GRM4: variants seen among roughly 807,000 people sequenced by gnomAD.
The protein encoded by GRM4 is metabotropic glutamate receptor 4.
Under a neutral mutation model 81.7 loss-of-function variants are expected in GRM4, and 28 were observed. The observed-to-expected ratio is 0.34, with a 90% confidence interval of 0.25 to 0.47. GRM4 has a LOEUF of 0.47. Ranked by LOEUF, GRM4 falls within the 20% of genes least tolerant of loss-of-function variation. The pLI is 1.00. For synonymous variants in GRM4, 488 were observed against 528.8 expected, an observed-to-expected ratio of 0.92 and a Z score of 1.06; for missense variants, 948 against 1,290.0, an observed-to-expected ratio of 0.73 and a Z score of 4.06.
chr6:34,120,035 T>C (rs1769744438), intron 2 of GRM4, among the ~76,000 whole-genome samples: 1 of 152,150 alleles, frequency 6.6e-6, no homozygotes, highest in Non-Finnish European at 1.5e-5. Flanking sequence ...GGGGTGTGTC[T>C]CTTGGTACCT....
chr6:34,043,935 C>T (rs1036770316), intron 6 of GRM4, among the ~76,000 whole-genome samples: 4 of 152,098 alleles, frequency 2.6e-5, no homozygotes, highest in Non-Finnish European at 5.9e-5. Flanking sequence ...CTCCCTGTGG[C>T]CTCCTGGACT....
chr6:34,071,287 CCA>C (rs1051066447), intron 3 of GRM4, among the ~76,000 whole-genome samples: 3 of 146,598 alleles, frequency 2.0e-5, no homozygotes, highest in African/African-American at 5.1e-5. Flanking sequence ...GAGATACACA[CCA>C]CACACACACA....
intron 1 of GRM4, among the ~76,000 whole-genome samples, chr6:34,140,484 C>T (rs957395425): frequency 6.6e-6 from 1 of 152,158 alleles, no homozygotes; most frequent in African/African-American, 2.4e-5. Flanking sequence ...AGGACAGCCA[C>T]GTGCAAAGGC....
At chr6:34,037,128 C>T (rs1482835598) in intron 8 of GRM4, among the ~76,000 whole-genome samples, 1 of 152,198 alleles carries the variant, frequency 6.6e-6, no homozygotes, top group East Asian at 1.9e-4. Flanking sequence ...GCCCTACGGC[C>T]CAGCCCAAGG....
chr6:34,077,590 TC>T, intron 3 of GRM4, among the ~76,000 whole-genome samples: 1 of 152,098 alleles, frequency 6.6e-6, no homozygotes, highest in East Asian at 1.9e-4. Context: ...CCAAGTCCAA[TC>T]CTCAGCCCTG....
At chr6:34,071,193 A>G (rs1362200717) in intron 3 of GRM4, among the ~76,000 whole-genome samples, 1 of 150,096 alleles carries the variant, frequency 6.7e-6, no homozygotes, top group Non-Finnish European at 1.5e-5. Flanking sequence ...CTAGCCACAC[A>G]CAGACACACA....
At chr6:34,066,619 G>A (rs1310068008) in intron 3 of GRM4, among the ~76,000 whole-genome samples, 2 of 151,928 alleles carry the variant, frequency 1.3e-5, no homozygotes, top group East Asian at 1.9e-4. Context: ...TCAAGTGTTC[G>A]CTGAGTGACT....
chr6:34,115,877 G>A lies in GRM4; in HGVS notation c.519+17101C>T, dbSNP rs1769578738. ...TGGCCAGACTGTGACCTCCATGGACGGTCAATCAATGGAAAGGGACTTTGA... is the reference window on the plus strand; with the variant it reads ...TGGCCAGACTGTGACCTCCATGGACAGTCAATCAATGGAAAGGGACTTTGA... On this transcript the variant is annotated intron_variant, in intron 2 of 10. Transcript: ENST00000538487. The surrounding 1 kb of genome is among the most constrained non-coding windows in gnomAD (Gnocchi z 4.1). Among the ~76,000 whole-genome samples the A allele has an allele frequency of 6.6e-6, 1 of 152,132 alleles. No individual in the cohort carries two copies. Among genetic ancestry groups the A allele is most frequent in the Non-Finnish European group, 1.5e-5 (1 of 68,026 alleles).
chr6:34,043,350 C>CAAAGGACATAGAGAAGGCTG (rs973609569), intron 6 of GRM4, among the ~76,000 whole-genome samples: 1 of 152,174 alleles, frequency 6.6e-6, no homozygotes, highest in African/African-American at 2.4e-5. Context: ...ATCCCATCCC[C>CAAAGGACATAGAGAAGGCTG]AAAGGACATA....
intron 9 of GRM4, among the ~76,000 whole-genome samples, chr6:34,033,598 C>A (rs1309329643): frequency 2.0e-5 from 3 of 152,224 alleles, no homozygotes; most frequent in African/African-American, 7.2e-5. Context: ...CATCCCATGG[C>A]TGCCTCACTG....
intron 6 of GRM4, among the ~76,000 whole-genome samples, chr6:34,045,898 G>A (rs1285587383): frequency 6.6e-6 from 1 of 152,248 alleles, no homozygotes; most frequent in African/African-American, 2.4e-5. Flanking sequence ...CAGTGAGGCA[G>A]AGATGCATTT....
chr6:34,038,836 C>T (rs558548894), intron 8 of GRM4, among the ~76,000 whole-genome samples: 101 of 152,304 alleles, frequency 6.6e-4, no homozygotes, highest in African/African-American at 2.3e-3. Context: ...GGCCCACTGC[C>T]ACCCACACGT....
chr6:34,136,123 C>T lies in GRM4; in HGVS notation c.-363-2264G>A, dbSNP rs554422640. On this transcript the variant is annotated intron_variant, in intron 1 of 10. Coordinates refer to ENST00000538487, the MANE Select transcript of GRM4 (RefSeq NM_000841.4). The surrounding 1 kb of genome is among the most constrained non-coding windows in gnomAD (Gnocchi z 4.1). The stretch of plus-strand genomic sequence containing the variant: ...CCACTGCCATGTGCCAAGCACTGTT[C>T]TAAGTGCTTTACCTACATTTTCTCA... Among the ~76,000 whole-genome samples the T allele has an allele frequency of 5.3e-5, 8 of 152,362 alleles. No homozygotes were observed. In the East Asian group the frequency reaches 1.5e-3, roughly 29 times the overall value.
chr6:34,043,402 A>G (rs550376248), intron 6 of GRM4, among the ~76,000 whole-genome samples: 73 of 152,236 alleles, frequency 4.8e-4, no homozygotes, highest in Non-Finnish European at 8.1e-4. Context: ...CCCTCCCTGG[A>G]CCCACACTTG....
Position 34,121,293 on chromosome 6 carries a change from G to T in GRM4, c.519+11685C>A, listed in dbSNP as rs2127503971. On this transcript the variant is annotated intron_variant, in intron 2 of 10. Coordinates refer to ENST00000538487, the MANE Select transcript of GRM4 (RefSeq NM_000841.4). The surrounding 1 kb of genome is among the most constrained non-coding windows in gnomAD (Gnocchi z 4.6). The stretch of plus-strand genomic sequence containing the variant: ...TGGGATTAAGGGTTGTTCTCTTCCA[G>T]CTGCTCTGCTGTGGGGACCTCACTG... Among the ~76,000 whole-genome samples, 1 of 152,292 alleles carries T rather than the reference G, an allele frequency of 6.6e-6. No homozygotes were observed. The highest frequency in any genetic ancestry group is 6.5e-5 in the Admixed American group (1 of 15,308).
In GRM4 at chr6:34,114,228, G is replaced by A. The variant is rs1769495534; in HGVS notation, c.519+18750C>T. The stretch of plus-strand genomic sequence containing the variant: ...GTCTCCTGTCTTTCTTCCCACTCCA[G>A]AAGGTCAGCTCCATGTGGGCAAGGA... On this transcript the variant is annotated intron_variant, in intron 2 of 10. Coordinates refer to ENST00000538487, the MANE Select transcript of GRM4 (RefSeq NM_000841.4). The surrounding 1 kb of genome is among the most constrained non-coding windows in gnomAD (Gnocchi z 4.3). 6.6e-6 allele frequency among the ~76,000 whole-genome samples: 1 copy of A among 152,156 alleles called. No individual in the cohort carries two copies. Among genetic ancestry groups the A allele is most frequent in the African/African-American group, 2.4e-5 (1 of 41,414 alleles).
intron 5 of GRM4, 135 bp from the exon 6 acceptor site, chr6:34,056,819 G>A (rs1158478270): frequency 8.2e-6 from 8 of 976,002 alleles, no homozygotes; most frequent in Non-Finnish European, 1.2e-5. Flanking sequence ...TCTGATCCAG[G>A]AGAAAACAAA....
Position 34,133,915 on chromosome 6 carries a change from G to T in GRM4, c.-363-56C>A. ...AAACAGAAGCCCAAAGAAGACATTA[G>T]CTAGTCTCATCTCTCATCAGGAGCC... On this transcript the variant is annotated intron_variant, in intron 1 of 10. Coordinates refer to ENST00000538487, the MANE Select transcript of GRM4 (RefSeq NM_000841.4). The surrounding 1 kb of genome is among the most constrained non-coding windows in gnomAD (Gnocchi z 6.5). 1 of 797,732 alleles carries T rather than the reference G, an allele frequency of 1.3e-6. No homozygotes were observed. Among genetic ancestry groups the T allele is most frequent in the Non-Finnish European group, 1.5e-6 (1 of 654,380 alleles). The allele number at this position is 797,732 out of a possible 1,614,324, so 49.4% of individuals were successfully genotyped here. A position where few individuals can be genotyped will look rare whatever the true frequency, so the allele number is the denominator to read the frequency against.
At position 34,021,464 on chromosome 6, in the gene GRM4, G is replaced by A. The variant is rs1029220771; in HGVS notation, c.*1357C>T. 4 of 152,390 alleles carry A rather than the reference G, an allele frequency of 2.6e-5. No individual in the cohort carries two copies. Among genetic ancestry groups the A allele is most frequent in the African/African-American group, 9.6e-5 (4 of 41,452 alleles). 9.4% of individuals were successfully genotyped at this position (152,390 alleles called of 1,614,324 possible). A position where few individuals can be genotyped will look rare whatever the true frequency, so the allele number is the denominator to read the frequency against. ...TCTCAAGAAGAGGACTTCCTGGCTG[G>A]AAGGAGAGAGGCACAGGTTATGGGG... On this transcript the variant is annotated 3_prime_UTR_variant, in exon 11 of 11. Transcript: ENST00000538487. This position sits in a 1 kb window ranked among gnomAD's most constrained non-coding sequence, Gnocchi z 5.3.
Sources: allele counts gnomAD v4.1 joint callset (sites outside exome capture counted in the v4.1 genomes callset), GRCh38; gene constraint gnomAD v4.1.1; non-coding constraint Gnocchi (gnomAD v3.1); transcripts MANE v1.5; gene names NCBI Gene and HGNC (gene_info 2026-07-23, HGNC 2026-07-21).